ASTN2: variants seen among roughly 807,000 people sequenced by gnomAD.
ASTN2 encodes the protein astrotactin-2.
ASTN2 carries 54 observed loss-of-function variants against 139.8 expected under a neutral mutation model. That is an observed-to-expected ratio of 0.39 (90% CI 0.31 to 0.48). ASTN2 has a LOEUF of 0.48. ASTN2 is among the 20% of genes least tolerant of loss of function. The pLI is 0.95. For synonymous variants in ASTN2, 756 were observed against 719.5 expected (o/e 1.05, Z -0.81); for missense variants, 1,565 against 1,725.1 (o/e 0.91, Z 1.64).
At chr9:117,210,981 C>A (rs372230943) in intron 3 of ASTN2, among the ~76,000 whole-genome samples, 301 of 136,668 alleles carry the variant, frequency 2.2e-3, no homozygotes, top group Non-Finnish European at 2.6e-3. Flanking sequence ...CATCTCAAAG[C>A]AAAAAAAAAA....
intron 6 of ASTN2, among the ~76,000 whole-genome samples, chr9:117,009,055 A>G (rs1837440075): frequency 6.6e-6 from 1 of 152,142 alleles, no homozygotes; most frequent in East Asian, 1.9e-4. Flanking sequence ...GGGGTTTGGG[A>G]CACAATAAAC....
chr9:117,127,129 C>G (rs1471490039), intron 4 of ASTN2, among the ~76,000 whole-genome samples: 1 of 152,194 alleles, frequency 6.6e-6, no homozygotes, highest in Non-Finnish European at 1.5e-5. Context: ...AAGAGTCTAT[C>G]AGAGATCTTA....
At chr9:116,646,720 C>T (rs909604821) in intron 17 of ASTN2, among the ~76,000 whole-genome samples, 5 of 152,126 alleles carry the variant, frequency 3.3e-5, no homozygotes, top group Non-Finnish European at 5.9e-5. Context: ...TGGAGGAAGC[C>T]GCCTACAGTC....
At chr9:116,778,846 C>T (rs1031377258) in intron 13 of ASTN2, among the ~76,000 whole-genome samples, 1 of 151,964 alleles carries the variant, frequency 6.6e-6, no homozygotes, top group Admixed American at 6.6e-5. Context: ...AGAGGGGGCC[C>T]GAATCTAAAT....
In ASTN2 at chr9:116,958,679, C is replaced by G. The variant is rs765009788; in HGVS notation, c.1889+16529G>C. Among the ~76,000 whole-genome samples, 7 of 152,034 alleles carry G rather than the reference C, an allele frequency of 4.6e-5. No individual in the cohort carries two copies. In the South Asian group the frequency reaches 1.2e-3, roughly 27 times the overall value. On this transcript the variant is annotated intron_variant, in intron 10 of 22. Transcript: ENST00000313400. ...GGCCAAAAGGATGAGTAGGAATAGC[C>G]CTAGTCACTGGAAATTGGTGGGTAT...
At chr9:116,870,616 C>T (rs1337459315) in intron 10 of ASTN2, among the ~76,000 whole-genome samples, 2 of 152,086 alleles carry the variant, frequency 1.3e-5, no homozygotes, top group African/African-American at 2.4e-5. Context: ...ATACTGGCTC[C>T]AAAACAGAGA....
intron 22 of ASTN2, among the ~76,000 whole-genome samples, 181 bp from the exon 23 acceptor site, chr9:116,426,269 T>C (rs1488270080): frequency 6.6e-6 from 1 of 152,176 alleles, no homozygotes; most frequent in Non-Finnish European, 1.5e-5. Context: ...TCTTCTTCAA[T>C]TGTGCAATGT....
chr9:116,803,550 A>G (rs1830954110), intron 13 of ASTN2, among the ~76,000 whole-genome samples: 2 of 113,998 alleles, frequency 1.8e-5, no homozygotes, highest in African/African-American at 3.1e-5. Flanking sequence ...TTTTAGACGG[A>G]GTCTCACTCT....
At chr9:116,507,129 G>A (rs1355300887) in intron 19 of ASTN2, among the ~76,000 whole-genome samples, 1 of 152,168 alleles carries the variant, frequency 6.6e-6, no homozygotes, top group South Asian at 2.1e-4. Context: ...GCATTGTGAT[G>A]CTCATTTTGA....
intron 1 of ASTN2, among the ~76,000 whole-genome samples, chr9:117,375,349 A>C (rs184766489): frequency 6.6e-6 from 1 of 152,330 alleles, no homozygotes; most frequent in Admixed American, 6.5e-5. Context: ...CCAGCATTCA[A>C]AACTCTGTCT....
At position 116,669,382 on chromosome 9, in the gene ASTN2, A is replaced by AAAAC. The variant is rs556200205; in HGVS notation, c.2807-17593_2807-17590dup. Among the ~76,000 whole-genome samples the AAAAC allele has an allele frequency of 2.7e-3, 416 of 152,258 alleles. 1 individual carries two copies. The highest frequency in any genetic ancestry group is 5.2e-3 in the Non-Finnish European group (351 of 68,010). On this transcript the variant is annotated intron_variant, in intron 16 of 22. Coordinates refer to ENST00000313400, the MANE Select transcript of ASTN2 (RefSeq NM_001365068.1). ...CACTTCAATAAAAGTTGCTATCTAAAAAACAAACAAACAAACAAACAAAAC... is the reference window on the plus strand; with the variant it reads ...CACTTCAATAAAAGTTGCTATCTAAAAAACAAACAAACAAACAAACAAACAAAAC...
chr9:116,565,522 C>T (rs1225883177), intron 19 of ASTN2, among the ~76,000 whole-genome samples: 1 of 149,512 alleles, frequency 6.7e-6, no homozygotes, highest in Non-Finnish European at 1.5e-5. Context: ...CCAGTCACAC[C>T]CTTCCCTCCA....
intron 11 of ASTN2, among the ~76,000 whole-genome samples, chr9:116,854,969 C>T (rs1395644634): frequency 1.3e-5 from 2 of 150,854 alleles, no homozygotes; most frequent in East Asian, 3.9e-4. Flanking sequence ...TCATTATTCC[C>T]CCCCCACCAT....
chr9:117,300,866 G>A (rs1160533983), intron 1 of ASTN2, among the ~76,000 whole-genome samples: 2 of 152,146 alleles, frequency 1.3e-5, no homozygotes, highest in Non-Finnish European at 2.9e-5. Context: ...GACTCCAGAG[G>A]TGCCTTAGAC....
intron 3 of ASTN2, chr9:117,181,236 T>A: frequency 3.5e-6 from 2 of 565,958 alleles, no homozygotes; most frequent in Non-Finnish European, 6.3e-6. Flanking sequence ...TTCACAGCAA[T>A]GTATAAGCTG....
chr9:117,375,342 G>T (rs1830094323), intron 1 of ASTN2, among the ~76,000 whole-genome samples: 1 of 152,178 alleles, frequency 6.6e-6, no homozygotes, highest in Non-Finnish European at 1.5e-5. Context: ...CCACAGTCCA[G>T]CATTCAAAAC....
chr9:116,783,648 A>C (rs1236638668), intron 13 of ASTN2, among the ~76,000 whole-genome samples: 1 of 152,196 alleles, frequency 6.6e-6, no homozygotes, highest in African/African-American at 2.4e-5. Context: ...AGCTAATAGC[A>C]GCAGAGGTTG....
chr9:116,747,200 T>G (rs1051627856), intron 13 of ASTN2, among the ~76,000 whole-genome samples: 1 of 152,154 alleles, frequency 6.6e-6, no homozygotes, highest in Admixed American at 6.5e-5. Context: ...ACAACAACCA[T>G]GCAAGGTAAG....
intron 11 of ASTN2, among the ~76,000 whole-genome samples, chr9:116,827,890 C>A (rs1038191132): frequency 3.3e-5 from 5 of 151,824 alleles, no homozygotes; most frequent in African/African-American, 1.2e-4. Flanking sequence ...CTCATTCTAT[C>A]AGGCCAGTAT....
Sources: gnomAD v4.1 joint callset for allele counts (sites outside exome capture counted in the v4.1 genomes callset) on GRCh38, gnomAD v4.1.1 for gene constraint, MANE v1.5 for transcripts, NCBI Gene and HGNC (gene_info 2026-07-23, HGNC 2026-07-21) for gene names.